Variants in NKAIN3 observed in about 807,000 individuals in gnomAD.
NKAIN3 encodes sodium/potassium-transporting ATPase subunit beta-1-interacting protein 3.
In NKAIN3, 25 loss-of-function variants were observed where a neutral mutation model predicts 30.2. The observed-to-expected ratio is 0.83, with a 90% CI of 0.60 to 1.16. NKAIN3 has a LOEUF of 1.16. NKAIN3 is among the 50% of genes most tolerant of loss of function. The probability of loss-of-function intolerance (pLI) is 0.00; values close to 1 mark genes in which losing one functional copy is unlikely to be tolerated. For synonymous variants in NKAIN3, 91 were observed against 89.6 expected, an observed-to-expected ratio of 1.02 and a Z score of -0.09; for missense variants, 225 against 254.1, an observed-to-expected ratio of 0.89 and a Z score of 0.78.
At chr8:62,449,183 A>C (rs1162414313) in intron 1 of NKAIN3, among the ~76,000 whole-genome samples, 1 of 152,006 alleles carries the variant, frequency 6.6e-6, no homozygotes, top group Non-Finnish European at 1.5e-5. Context: ...CAGTGTTTTA[A>C]AAATTATGGT....
At chr8:62,548,143 G>A (rs1254893659) in intron 1 of NKAIN3, among the ~76,000 whole-genome samples, 1 of 152,110 alleles carries the variant, frequency 6.6e-6, no homozygotes, top group Non-Finnish European at 1.5e-5. Context: ...GCACACAAGT[G>A]AACAGAAATT....
chr8:62,720,680 A>C (rs1815061440), intron 3 of NKAIN3, among the ~76,000 whole-genome samples: 1 of 152,182 alleles, frequency 6.6e-6, no homozygotes, highest in Non-Finnish European at 1.5e-5. Context: ...AAAGGCAATG[A>C]TGACTGACTC....
At position 62,552,990 on chromosome 8, in the gene NKAIN3, C is replaced by T. The variant is rs1343478431; in HGVS notation, c.55-26549C>T. ...CAGATGGTGGTAGTTGTGGTGGAGA[C>T]AAAGAAATAAAAGCCCCAAATCTCC... On this transcript the variant is annotated intron_variant, in intron 1 of 6. Transcript: ENST00000623646. 3.9e-5 allele frequency among the ~76,000 whole-genome samples: 6 copies of T among 152,136 alleles called. No individual in the cohort carries two copies. The South Asian group carries it at 8.3e-4, about 21-fold the overall frequency.
chr8:62,804,908 T>C (rs958333764), intron 4 of NKAIN3, among the ~76,000 whole-genome samples: 1 of 152,188 alleles, frequency 6.6e-6, no homozygotes, highest in African/African-American at 2.4e-5. Flanking sequence ...AACCCCATTG[T>C]CTCAGCCCAA....
chr8:62,991,527 A>T (rs973595572), intron 5 of NKAIN3, among the ~76,000 whole-genome samples: 1 of 152,254 alleles, frequency 6.6e-6, no homozygotes, highest in Non-Finnish European at 1.5e-5. Flanking sequence ...CAGCTCACTG[A>T]CACATAATAA....
chr8:62,662,562 TC>T (rs1812979443), intron 3 of NKAIN3, among the ~76,000 whole-genome samples: 1 of 152,258 alleles, frequency 6.6e-6, no homozygotes, highest in Admixed American at 6.5e-5. Context: ...ATCATTAGAA[TC>T]TTTTGAATCA....
chr8:62,441,928 C>T (rs1805337359), intron 1 of NKAIN3, among the ~76,000 whole-genome samples: 1 of 151,960 alleles, frequency 6.6e-6, no homozygotes, highest in Non-Finnish European at 1.5e-5. Context: ...GTTTCCCAGA[C>T]TTTGATTATC....
rs180929828 is a variant in NKAIN3, at chr8:62,280,915, T to A, written c.54+31788T>A. On this transcript the variant is annotated intron_variant, in intron 1 of 6. Coordinates refer to ENST00000623646, the MANE Select transcript of NKAIN3 (RefSeq NM_001304533.3). ...AAATGAGTTAGGGAGGATTCCCTCT[T>A]TTTCTATTGATTGGAATAGTTTCAA... 2.5e-3 allele frequency among the ~76,000 whole-genome samples: 381 copies of A among 152,328 alleles called. 5 individuals carry two copies. Among genetic ancestry groups the A allele is most frequent in the African/African-American group, 8.4e-3 (348 of 41,574 alleles).
At chr8:62,696,830 AT>A (rs1204904493) in intron 3 of NKAIN3, among the ~76,000 whole-genome samples, 1 of 152,196 alleles carries the variant, frequency 6.6e-6, no homozygotes, top group Non-Finnish European at 1.5e-5. Flanking sequence ...AGATTCATGT[AT>A]GTCTGATCTA....
intron 4 of NKAIN3, among the ~76,000 whole-genome samples, chr8:62,846,075 T>C (rs1563590192): frequency 6.6e-6 from 1 of 152,082 alleles, no homozygotes; most frequent in Non-Finnish European, 1.5e-5. Flanking sequence ...GAACTTGAAT[T>C]CTTAAAAATT....
At chr8:62,414,694 A>G (rs960719540) in intron 1 of NKAIN3, among the ~76,000 whole-genome samples, 2 of 152,086 alleles carry the variant, frequency 1.3e-5, no homozygotes, top group Non-Finnish European at 2.9e-5. Flanking sequence ...GAAATCTCTG[A>G]TTGTTCCTTT....
chr8:62,718,809 C>T (rs1814990722), intron 3 of NKAIN3, among the ~76,000 whole-genome samples: 1 of 151,840 alleles, frequency 6.6e-6, no homozygotes, highest in African/African-American at 2.4e-5. Flanking sequence ...TTATAGTTTA[C>T]ATTTTATGTT....
chr8:62,706,573 G>A (rs1398264325), intron 3 of NKAIN3, among the ~76,000 whole-genome samples: 1 of 151,482 alleles, frequency 6.6e-6, no homozygotes, highest in Non-Finnish European at 1.5e-5. Flanking sequence ...CCATCCTTGT[G>A]GTTTATATTT....
At chr8:62,901,960 G>A (rs151286111) in intron 4 of NKAIN3, among the ~76,000 whole-genome samples, 1 of 152,278 alleles carries the variant, frequency 6.6e-6, no homozygotes, top group African/African-American at 2.4e-5. Flanking sequence ...GCTCCTTATT[G>A]GCTAAGTCAG....
Position 62,454,630 on chromosome 8 carries a change from C to T in NKAIN3, c.55-124909C>T, listed in dbSNP as rs544195655. 2.6e-5 allele frequency among the ~76,000 whole-genome samples: 4 copies of T among 152,132 alleles called. No individual in the cohort carries two copies. The East Asian group carries it at 7.7e-4, about 29-fold the overall frequency. ...TTCTCAGCATCATTATATCTAGAAT[C>T]ATGAGTAACATAGCAATTCAGCATT... On this transcript the variant is annotated intron_variant, in intron 1 of 6. Transcript: ENST00000623646.
At chr8:62,863,917 G>C in intron 4 of NKAIN3, 1 of 1,226,060 alleles carries the variant, frequency 8.2e-7, no homozygotes, top group Non-Finnish European at 1.2e-6. Context: ...CTCCTCCTTT[G>C]GCTCTGGTGG....
At chr8:62,510,791 C>T (rs1298009856) in intron 1 of NKAIN3, among the ~76,000 whole-genome samples, 2 of 151,964 alleles carry the variant, frequency 1.3e-5, no homozygotes, top group African/African-American at 2.4e-5. Flanking sequence ...ACTGGTAAAT[C>T]CCATGGTCAG....
At chr8:62,869,000 C>T (rs1820508023) in intron 4 of NKAIN3, among the ~76,000 whole-genome samples, 1 of 147,538 alleles carries the variant, frequency 6.8e-6, no homozygotes, top group South Asian at 2.1e-4. Flanking sequence ...TGGCAGTAGA[C>T]TCTGTTGATG....
chr8:62,257,979 A>G (rs1307326988), intron 1 of NKAIN3, among the ~76,000 whole-genome samples: 1 of 152,108 alleles, frequency 6.6e-6, no homozygotes, highest in Admixed American at 6.6e-5. Flanking sequence ...ATTGTTTTCT[A>G]TCCCCAGAAC....
Sources: allele counts gnomAD v4.1 joint callset (sites outside exome capture counted in the v4.1 genomes callset), GRCh38; gene constraint gnomAD v4.1.1; transcripts MANE v1.5; gene names NCBI Gene and HGNC (gene_info 2026-07-23, HGNC 2026-07-21).